Variants in LRRC37A2 observed in about 807,000 individuals in gnomAD.
The protein encoded by LRRC37A2 is leucine rich repeat containing 37 member A2.
In LRRC37A2, 9 loss-of-function variants were observed where a neutral mutation model predicts 68.8. The ratio of observed to expected loss-of-function variants is 0.13; its 90% CI spans 0.08 to 0.23. LRRC37A2 has a LOEUF of 0.23. Among genes scored for constraint, LRRC37A2 ranks in the 10% least tolerant of loss-of-function variants. The probability of loss-of-function intolerance (pLI) is 1.00; values close to 1 mark genes in which losing one functional copy is unlikely to be tolerated. For synonymous variants in LRRC37A2, 63 were observed against 367.6 expected (o/e 0.17, Z 9.48); for missense variants, 168 against 950.4 (o/e 0.18, Z 10.82).
chr17:46,877,004 G>A, the LRRC37A2 span: 2 of 1,246,392 alleles, frequency 1.6e-6, no homozygotes, highest in Non-Finnish European at 2.0e-6. Flanking sequence ...GGAAATAAGG[G>A]AGACCAAGAG....
chr17:46,765,341 C>T, the LRRC37A2 span, among the ~76,000 whole-genome samples: 2 of 152,236 alleles, frequency 1.3e-5, no homozygotes, highest in Non-Finnish European at 2.9e-5. Flanking sequence ...AGCTCCAGCT[C>T]ACCATGTTCA....
the LRRC37A2 span, chr17:46,939,656 A>G: frequency 1.4e-5 from 14 of 985,708 alleles, no homozygotes; most frequent in Non-Finnish European, 1.6e-5. Flanking sequence ...TCCCTGAAAT[A>G]TATTAGCACC....
chr17:46,704,963 A>G, the LRRC37A2 span: 6 of 1,019,034 alleles, frequency 5.9e-6, no homozygotes, highest in Non-Finnish European at 8.3e-6. Context: ...TAGCATATGC[A>G]GTTTCATAAA....
the LRRC37A2 span, among the ~76,000 whole-genome samples, chr17:46,944,611 T>TTTTTTTTTTTTTTC: frequency 5.3e-5 from 2 of 37,666 alleles, no homozygotes; most frequent in Non-Finnish European, 8.6e-5. Context: ...TTTAATTTTC[T>TTTTTTTTTTTTTTC]TTTTTTTTTT....
the LRRC37A2 span, among the ~76,000 whole-genome samples, chr17:46,724,060 A>G: frequency 5.9e-5 from 9 of 152,132 alleles, no homozygotes; most frequent in Non-Finnish European, 1.3e-4. Flanking sequence ...TTTAATTCTT[A>G]TTGACCGTTC....
At chr17:46,885,112 C>G in the LRRC37A2 span, 2 of 424,558 alleles carry the variant, frequency 4.7e-6, no homozygotes, top group Non-Finnish European at 9.5e-6. Context: ...TCTCAGCTGC[C>G]TGAGTAACTG....
At chr17:46,793,249 G>A in the LRRC37A2 span, among the ~76,000 whole-genome samples, 3 of 127,220 alleles carry the variant, frequency 2.4e-5, no homozygotes, top group African/African-American at 5.7e-5. Flanking sequence ...ACTCTAGCCT[G>A]GGCAACAGAG....
At chr17:46,610,031 C>CTT in the LRRC37A2 span, among the ~76,000 whole-genome samples, 165 of 69,812 alleles carry the variant, frequency 2.4e-3, 4 homozygotes, top group African/African-American at 5.5e-3. Flanking sequence ...CTTTCTTTCT[C>CTT]TCTCTCTCTC....
chr17:46,717,803 C>T, the LRRC37A2 span, among the ~76,000 whole-genome samples: 3 of 152,068 alleles, frequency 2.0e-5, no homozygotes, highest in Admixed American at 1.3e-4. Context: ...CAGCGGCAAG[C>T]GAACAAGGTG....
chr17:46,927,457 ATCT>A, the LRRC37A2 span, among the ~76,000 whole-genome samples: 18 of 152,106 alleles, frequency 1.2e-4, no homozygotes, highest in African/African-American at 4.1e-4. Context: ...TATTTAAGAA[ATCT>A]TCTGTAACCC....
At chr17:46,556,143 C>G (rs2057264814), downstream of LRRC37A2, 1 of 837,874 alleles carries the variant, frequency 1.2e-6, no homozygotes, top group South Asian at 4.3e-5. Context: ...AGGTTAAGGG[C>G]TCAGTCACAC....
chr17:46,752,742 C>T, the LRRC37A2 span, among the ~76,000 whole-genome samples: 5 of 152,258 alleles, frequency 3.3e-5, no homozygotes, highest in Non-Finnish European at 7.4e-5. Flanking sequence ...AGGCATGCAC[C>T]ACTATGCCTG....
the LRRC37A2 span, among the ~76,000 whole-genome samples, chr17:46,809,867 C>T: frequency 6.6e-6 from 1 of 152,166 alleles, no homozygotes; most frequent in Non-Finnish European, 1.5e-5. Context: ...GCTGAGGACT[C>T]CCCTGTCCAG....
At chr17:46,943,272 G>A in the LRRC37A2 span, among the ~76,000 whole-genome samples, 5 of 152,148 alleles carry the variant, frequency 3.3e-5, no homozygotes, top group Admixed American at 3.3e-4. Flanking sequence ...TGGCCATTGG[G>A]TGCCCCTCAT....
the LRRC37A2 span, among the ~76,000 whole-genome samples, chr17:46,408,339 G>A: frequency 2.6e-5 from 1 of 38,864 alleles, no homozygotes. Flanking sequence ...TACTGCTGCT[G>A]CATAACAGGA....
the LRRC37A2 span, among the ~76,000 whole-genome samples, chr17:46,802,099 C>G: frequency 1.3e-5 from 2 of 152,182 alleles, no homozygotes; most frequent in Non-Finnish European, 2.9e-5. Flanking sequence ...ATTTGGTCTT[C>G]GACCTAGTTT....
chr17:46,999,316 G>T, the LRRC37A2 span, among the ~76,000 whole-genome samples: 1 of 152,154 alleles, frequency 6.6e-6, no homozygotes, highest in East Asian at 1.9e-4. Flanking sequence ...ACAGTGTTTG[G>T]CATCGTGCCT....
At chr17:46,785,512 G>A in the LRRC37A2 span, among the ~76,000 whole-genome samples, 2 of 152,244 alleles carry the variant, frequency 1.3e-5, no homozygotes, top group Admixed American at 6.5e-5. Context: ...GGCCCCAGGA[G>A]CCCCGGAAAC....
the LRRC37A2 span, among the ~76,000 whole-genome samples, chr17:47,046,430 ACC>A: frequency 7.3e-6 from 1 of 137,678 alleles, no homozygotes; most frequent in Non-Finnish European, 1.6e-5. Context: ...ATGTCTTTTC[ACC>A]CAAATGTGCA....
Sources: allele counts gnomAD v4.1 joint callset (sites outside exome capture counted in the v4.1 genomes callset), GRCh38; gene constraint gnomAD v4.1.1; transcripts MANE v1.5; gene names NCBI Gene and HGNC (gene_info 2026-07-23, HGNC 2026-07-21).